Variants in CSMD3 observed in about 807,000 individuals in gnomAD.
CSMD3 encodes the protein CUB and sushi domain-containing protein 3.
CSMD3 carries 177 observed loss-of-function variants against 435.2 expected under a neutral mutation model. That is an observed-to-expected ratio of 0.41 (90% CI 0.36 to 0.46). The LOEUF is 0.46. CSMD3 is among the 20% of genes least tolerant of loss of function. CSMD3 has a pLI of 0.34. For synonymous variants in CSMD3, 1,656 were observed against 1,520.5 expected (o/e 1.09, Z -2.07); for missense variants, 4,265 against 4,504.6 (o/e 0.95, Z 1.52).
Position 113,277,619 on chromosome 8 carries a change from T to G in CSMD3, c.514+973A>C, listed in dbSNP as rs185348946. ...TTGAATTATTATATGGTTTAGAAAT[T>G]AATTGCCCTTGCTACGGTATTTATG... On this transcript the variant is annotated intron_variant, in intron 3 of 70. Transcript: ENST00000297405. 2.2e-4 allele frequency among the ~76,000 whole-genome samples: 33 copies of G among 152,102 alleles called. No individual in the cohort carries two copies. In the East Asian group the frequency reaches 5.8e-3, roughly 27 times the overall value.
At chr8:113,039,065 T>C (rs1334788066) in intron 5 of CSMD3, among the ~76,000 whole-genome samples, 2 of 152,164 alleles carry the variant, frequency 1.3e-5, no homozygotes, top group Non-Finnish European at 2.9e-5. Flanking sequence ...TATGGTATAG[T>C]GTTCTATGAA....
intron 3 of CSMD3, among the ~76,000 whole-genome samples, chr8:113,201,179 C>T (rs1469797902): frequency 6.6e-6 from 1 of 151,902 alleles, no homozygotes; most frequent in African/African-American, 2.4e-5. Flanking sequence ...TTCTAAAATG[C>T]TAAAAACAAT....
chr8:112,275,403 CA>C (rs932686350), intron 59 of CSMD3, among the ~76,000 whole-genome samples: 13 of 152,024 alleles, frequency 8.6e-5, no homozygotes, highest in African/African-American at 3.1e-4. Flanking sequence ...CAAAATTAGC[CA>C]GGCATGGTGG....
chr8:113,198,121 C>G (rs756738722), intron 3 of CSMD3, among the ~76,000 whole-genome samples: 12 of 151,232 alleles, frequency 7.9e-5, no homozygotes, highest in Non-Finnish European at 1.0e-4. Context: ...AGTGGTTACC[C>G]ATGTGGAATT....
intron 35 of CSMD3, among the ~76,000 whole-genome samples, chr8:112,401,043 G>T (rs10089136): frequency 1.3e-5 from 2 of 151,572 alleles, no homozygotes; most frequent in Non-Finnish European, 2.9e-5. Flanking sequence ...CCTGTCTCCA[G>T]TAAAAATACA....
At chr8:112,557,053 A>C in intron 24 of CSMD3, 99 bp from the exon 25 acceptor site, 1 of 763,248 alleles carries the variant, frequency 1.3e-6, no homozygotes, top group South Asian at 1.5e-5. Flanking sequence ...ATGATTACAT[A>C]CTTATTCTTA....
chr8:112,983,753 T>C lies in CSMD3; in HGVS notation c.1031-7605A>G, dbSNP rs184311547. 1.6e-3 allele frequency among the ~76,000 whole-genome samples: 248 copies of C among 151,976 alleles called. 2 individuals carry two copies. Among genetic ancestry groups the C allele is most frequent in the African/African-American group, 5.7e-3 (235 of 41,498 alleles). On this transcript the variant is annotated intron_variant, in intron 6 of 70. Coordinates refer to ENST00000297405, the MANE Select transcript of CSMD3 (RefSeq NM_198123.2). ...ATATCTGATCCATATGATTGTTAAATAACTGGAAGAATAGGGTTCATTATT... is the reference window on the plus strand; with the variant it reads ...ATATCTGATCCATATGATTGTTAAACAACTGGAAGAATAGGGTTCATTATT...
At chr8:112,986,386 G>T (rs1253484538) in intron 6 of CSMD3, among the ~76,000 whole-genome samples, 2 of 152,024 alleles carry the variant, frequency 1.3e-5, no homozygotes, top group Admixed American at 6.6e-5. Flanking sequence ...GGTATTATTT[G>T]ATTGATCCTG....
intron 6 of CSMD3, among the ~76,000 whole-genome samples, chr8:112,991,910 T>C (rs2085470257): frequency 6.6e-6 from 1 of 151,904 alleles, no homozygotes; most frequent in Non-Finnish European, 1.5e-5. Flanking sequence ...ATGAGCTGTA[T>C]ATCACATGAG....
chr8:112,343,001 T>TTTATATATTTA (rs72258524), intron 41 of CSMD3, among the ~76,000 whole-genome samples: 2 of 109,678 alleles, frequency 1.8e-5, no homozygotes, highest in African/African-American at 7.1e-5. Flanking sequence ...ATATATATAT[T>TTTATATATTTA]TATATATATA....
At chr8:112,432,457 C>T (rs150047480) in intron 32 of CSMD3, among the ~76,000 whole-genome samples, 237 of 152,090 alleles carry the variant, frequency 1.6e-3, no homozygotes, top group African/African-American at 5.2e-3. Flanking sequence ...GTGTGAGCCA[C>T]CACACACAAA....
intron 3 of CSMD3, among the ~76,000 whole-genome samples, chr8:113,221,993 G>A (rs879786482): frequency 3.4e-5 from 5 of 149,022 alleles, no homozygotes; most frequent in African/African-American, 7.5e-5. Context: ...CACTCAATGC[G>A]CATTTGTTGA....
intron 4 of CSMD3, among the ~76,000 whole-genome samples, chr8:113,103,614 T>G (rs941181501): frequency 7.9e-5 from 12 of 152,084 alleles, no homozygotes; most frequent in African/African-American, 2.9e-4. Flanking sequence ...TGAATTTAAA[T>G]CTATTAATTA....
chr8:112,577,273 G>A (rs1830016514), intron 23 of CSMD3, among the ~76,000 whole-genome samples: 4 of 152,044 alleles, frequency 2.6e-5, no homozygotes, highest in Non-Finnish European at 5.9e-5. Context: ...AACAAAGGGA[G>A]AAAGCAGTGT....
chr8:112,297,897 G>T (rs1014118586), intron 53 of CSMD3, among the ~76,000 whole-genome samples: 7 of 151,828 alleles, frequency 4.6e-5, no homozygotes, highest in African/African-American at 1.7e-4. Flanking sequence ...AAAGCAGGAG[G>T]ATCTTTTGAG....
At chr8:112,566,755 T>C (rs921222728) in intron 24 of CSMD3, among the ~76,000 whole-genome samples, 1 of 152,100 alleles carries the variant, frequency 6.6e-6, no homozygotes, top group South Asian at 2.1e-4. Context: ...ATGCATACAG[T>C]AAGGAGAAGG....
intron 13 of CSMD3, among the ~76,000 whole-genome samples, chr8:112,781,595 G>A (rs909987349): frequency 2.0e-5 from 3 of 152,064 alleles, no homozygotes; most frequent in African/African-American, 7.2e-5. Context: ...GCAGTAGACA[G>A]GCAATAGTTG....
chr8:112,807,444 A>G (rs2079116223), intron 12 of CSMD3, among the ~76,000 whole-genome samples: 1 of 152,114 alleles, frequency 6.6e-6, no homozygotes, highest in South Asian at 2.1e-4. Flanking sequence ...TTAAGCTGAC[A>G]CAAGCAGCAC....
chr8:113,297,171 C>T (rs940543129), intron 2 of CSMD3, among the ~76,000 whole-genome samples: 3 of 151,890 alleles, frequency 2.0e-5, no homozygotes, highest in African/African-American at 7.2e-5. Flanking sequence ...AAAAGAATTT[C>T]CACGTAGCTA....
Sources: gnomAD v4.1 joint callset for allele counts (sites outside exome capture counted in the v4.1 genomes callset) on GRCh38, gnomAD v4.1.1 for gene constraint, MANE v1.5 for transcripts, NCBI Gene and HGNC (gene_info 2026-07-23, HGNC 2026-07-21) for gene names.